The following NRG1 variants were observed in gnomAD, a reference collection of about 807,000 sequenced individuals.
The protein encoded by NRG1 is pro-neuregulin-1, membrane-bound isoform.
In NRG1, 18 loss-of-function variants were observed where a neutral mutation model predicts 63.8. The ratio of observed to expected loss-of-function variants is 0.28; its 90% CI spans 0.19 to 0.42. The LOEUF is 0.42. NRG1 is among the 10% of genes least tolerant of loss of function. NRG1 has a pLI of 1.00. For synonymous variants in NRG1, 302 were observed against 301.3 expected, an observed-to-expected ratio of 1.00 and a Z score of -0.02; for missense variants, 762 against 814.7, an observed-to-expected ratio of 0.94 and a Z score of 0.79.
At chr8:32,218,533 T>C (rs6468090) in intron 1 of NRG1, among the ~76,000 whole-genome samples, 121,788 of 152,124 alleles carry the variant, frequency 0.8, 49,493 homozygotes, top group African/African-American at 0.92. Flanking sequence ...GAGTCACAGA[T>C]TGCTTAGTCT....
chr8:31,740,419 T>C (rs531198710), intron 1 of NRG1, among the ~76,000 whole-genome samples: 2 of 152,172 alleles, frequency 1.3e-5, no homozygotes, highest in East Asian at 3.9e-4. Flanking sequence ...TATGAGTAAT[T>C]AGAGAAATAC....
intron 1 of NRG1, among the ~76,000 whole-genome samples, chr8:32,049,337 C>CAG (rs1821604019): frequency 6.6e-6 from 1 of 152,106 alleles, no homozygotes; most frequent in South Asian, 2.1e-4. Flanking sequence ...CAGTTATGAT[C>CAG]AGAGTCCAGT....
intron 1 of NRG1, among the ~76,000 whole-genome samples, chr8:31,728,056 G>A (rs938018323): frequency 5.9e-5 from 9 of 152,036 alleles, no homozygotes; most frequent in African/African-American, 1.9e-4. Context: ...ATAGAATAGT[G>A]GATAATTTAA....
intron 1 of NRG1, among the ~76,000 whole-genome samples, chr8:31,817,184 T>G (rs1481323978): frequency 6.6e-6 from 1 of 152,170 alleles, no homozygotes; most frequent in Admixed American, 6.5e-5. Flanking sequence ...AATGAAACTG[T>G]GTAGGAGGAT....
intron 1 of NRG1, among the ~76,000 whole-genome samples, chr8:31,913,293 T>C (rs568301375): frequency 6.6e-6 from 1 of 152,300 alleles, no homozygotes; most frequent in East Asian, 1.9e-4. Context: ...TGCTCTTCCC[T>C]CTTTATTGAG....
chr8:32,595,339 G>A (rs1843168696), intron 1 of NRG1, among the ~76,000 whole-genome samples: 1 of 151,956 alleles, frequency 6.6e-6, no homozygotes, highest in South Asian at 2.1e-4. Flanking sequence ...ACAGGCACAT[G>A]CCACCATGCC....
At chr8:31,912,573 T>G (rs1451493155) in intron 1 of NRG1, among the ~76,000 whole-genome samples, 2 of 150,202 alleles carry the variant, frequency 1.3e-5, no homozygotes, top group African/African-American at 4.9e-5. Flanking sequence ...ATGCTTTTTT[T>G]TTTTTTTTTT....
At chr8:32,030,301 A>C (rs1586600453) in intron 1 of NRG1, 1 of 152,186 alleles carries the variant, frequency 6.6e-6, no homozygotes, top group Admixed American at 6.5e-5. Flanking sequence ...CTGTGTAATC[A>C]TATGATGACA....
exon 11 of NRG1, chr8:32,760,225 A>G (rs763947033): frequency 1.3e-5 from 21 of 1,614,058 alleles, no homozygotes; most frequent in Non-Finnish European, 1.6e-5. Context: ...CACTGAAAGC[A>G]TCCTTTCCGA....
In NRG1 at chr8:32,614,426, C is replaced by T. The variant is rs918822916; in HGVS notation, c.401-88C>T. Reference sequence around the variant, plus strand: ...CCTTGCAATACTTCCTTCCTTTACACTTAACTTTTAGTTCCAAGGCAGGCT... The same window carrying T: ...CCTTGCAATACTTCCTTCCTTTACATTTAACTTTTAGTTCCAAGGCAGGCT... On this transcript the variant is annotated intron_variant, in intron 3 of 11. Coordinates refer to ENST00000356819, the Ensembl canonical transcript of NRG1. 1.4e-5 allele frequency: 19 copies of T among 1,313,592 alleles called. No individual in the cohort carries two copies. In the African/African-American group the frequency reaches 1.5e-4, roughly 10 times the overall value. 81.4% of individuals were successfully genotyped at this position (1,313,592 alleles called of 1,614,324 possible).
At chr8:32,616,047 A>G (rs891357974) in intron 4 of NRG1, among the ~76,000 whole-genome samples, 2 of 152,112 alleles carry the variant, frequency 1.3e-5, no homozygotes, top group African/African-American at 2.4e-5. Flanking sequence ...ATTTCTTAAT[A>G]TGTGACTTGA....
chr8:32,063,918 G>A (rs995049061), intron 1 of NRG1, among the ~76,000 whole-genome samples: 1 of 152,006 alleles, frequency 6.6e-6, no homozygotes, highest in South Asian at 2.1e-4. Flanking sequence ...TACGTGGCAT[G>A]CCTGGAGATG....
intron 1 of NRG1, among the ~76,000 whole-genome samples, chr8:31,794,563 G>A (rs999592616): frequency 2.0e-5 from 3 of 151,700 alleles, no homozygotes; most frequent in Admixed American, 6.6e-5. Flanking sequence ...AAGTAGAATA[G>A]TAAAGATGAA....
intron 5 of NRG1, among the ~76,000 whole-genome samples, chr8:32,630,342 AT>A (rs1050258300): frequency 6.6e-6 from 1 of 152,198 alleles, no homozygotes; most frequent in African/African-American, 2.4e-5. Flanking sequence ...AGGTAGAACA[AT>A]TTTAGGTACC....
At chr8:32,546,922 C>T (rs756944472), upstream of NRG1, among the ~76,000 whole-genome samples, 1 of 152,156 alleles carries the variant, frequency 6.6e-6, no homozygotes, top group Non-Finnish European at 1.5e-5. Context: ...TAAATTGCGG[C>T]CATCAGAAAA....
intron 1 of NRG1, among the ~76,000 whole-genome samples, chr8:32,355,507 TATAAA>T (rs2129480284): frequency 6.6e-6 from 1 of 152,140 alleles, no homozygotes; most frequent in Admixed American, 6.5e-5. Flanking sequence ...TTGCCACAAA[TATAAA>T]AGAAAAGGAT....
chr8:32,553,030 G>T (rs554111833), intron 1 of NRG1, among the ~76,000 whole-genome samples: 3 of 152,150 alleles, frequency 2.0e-5, no homozygotes, highest in Non-Finnish European at 4.4e-5. Flanking sequence ...AAAATTCCTT[G>T]CTATTAGGCA....
chr8:32,356,101 A>C (rs1165791073), intron 1 of NRG1, among the ~76,000 whole-genome samples: 1 of 152,202 alleles, frequency 6.6e-6, no homozygotes, highest in South Asian at 2.1e-4. Context: ...ACTCCTGTGT[A>C]AATCCAGACT....
At chr8:31,799,160 C>G (rs919205113) in intron 1 of NRG1, among the ~76,000 whole-genome samples, 2 of 152,064 alleles carry the variant, frequency 1.3e-5, no homozygotes, top group African/African-American at 4.8e-5. Context: ...GATTTTAACA[C>G]ACATTGGAAA....
Sources: gnomAD v4.1 joint callset for allele counts (sites outside exome capture counted in the v4.1 genomes callset) on GRCh38, gnomAD v4.1.1 for gene constraint, MANE v1.5 for transcripts, NCBI Gene and HGNC (gene_info 2026-07-23, HGNC 2026-07-21) for gene names.